GAS7: variants seen among roughly 807,000 people sequenced by gnomAD.
GAS7 encodes growth arrest-specific protein 7.
In GAS7, 28 loss-of-function variants were observed where a neutral mutation model predicts 71.1. That is an observed-to-expected ratio of 0.39 (90% confidence interval 0.29 to 0.54). GAS7 has a LOEUF of 0.54. GAS7 is among the 20% of genes least tolerant of loss of function. The pLI is 0.62. For missense variants in GAS7, 436 were observed against 627.8 expected, an observed-to-expected ratio of 0.69 and a Z score of 3.27; for synonymous variants, 258 against 245.8, an observed-to-expected ratio of 1.05 and a Z score of -0.46.
intron 1 of GAS7, among the ~76,000 whole-genome samples, chr17:10,023,835 A>AT (rs1345566736): frequency 3.3e-5 from 5 of 152,120 alleles, no homozygotes; most frequent in South Asian, 4.1e-4. Flanking sequence ...TTAAAAAAAA[A>AT]TTTTTTGGCT....
intron 1 of GAS7, among the ~76,000 whole-genome samples, chr17:10,136,914 AAGTTC>A (rs111456989): frequency 0.08 from 12,172 of 151,978 alleles, 1,111 homozygotes; most frequent in East Asian, 0.45. Flanking sequence ...CTGAGTCTAG[AAGTTC>A]AAGACCAGCA....
rs1171121390 is a variant in GAS7 at position 10,026,707 on chromosome 17, T to C, written c.184-6810A>G. ...CCCAGCAGGGCTGGAGACTGGCAAT[T>C]CACTCCCACGTCATGCCTTCCTGGT... On this transcript the variant is annotated intron_variant, in intron 1 of 13. Coordinates refer to ENST00000432992, the MANE Select transcript of GAS7 (RefSeq NM_201433.2). The surrounding 1 kb of genome is among the most constrained non-coding windows in gnomAD (Gnocchi z 4.5). Among the ~76,000 whole-genome samples, 1 of 152,126 alleles carries C rather than the reference T, an allele frequency of 6.6e-6. No homozygotes were observed. Among genetic ancestry groups the C allele is most frequent in the Non-Finnish European group, 1.5e-5 (1 of 68,010 alleles).
At chr17:10,045,023 A>T (rs900590747) in intron 1 of GAS7, among the ~76,000 whole-genome samples, 1 of 146,934 alleles carries the variant, frequency 6.8e-6, no homozygotes, top group African/African-American at 2.6e-5. Context: ...CCCGGGCGAC[A>T]GAGCGAGACT....
intron 8 of GAS7, 128 bp downstream of exon 8, chr17:9,939,998 T>A: frequency 1.4e-6 from 1 of 735,634 alleles, no homozygotes; most frequent in Non-Finnish European, 2.5e-6. Context: ...AGTGCCCACC[T>A]TGAGCCAGGC....
chr17:9,943,021 G>A (rs2068659423), intron 7 of GAS7, 100 bp downstream of exon 7: 4 of 697,678 alleles, frequency 5.7e-6, no homozygotes, highest in Non-Finnish European at 1.0e-5. Flanking sequence ...CCAATGCTGA[G>A]TGTGCAGTAC....
intron 8 of GAS7, among the ~76,000 whole-genome samples, 182 bp from the exon 9 acceptor site, chr17:9,934,426 G>A (rs1211999433): frequency 1.3e-5 from 2 of 152,084 alleles, no homozygotes; most frequent in African/African-American, 4.8e-5. Context: ...AGTCAGATGA[G>A]CCACCAAGGT....
intron 4 of GAS7, among the ~76,000 whole-genome samples, chr17:9,960,227 T>C (rs1289003959): frequency 6.6e-6 from 1 of 151,782 alleles, no homozygotes; most frequent in Non-Finnish European, 1.5e-5. Context: ...TGTCATTCTG[T>C]CACCCAGGTT....
intron 1 of GAS7, among the ~76,000 whole-genome samples, chr17:10,189,075 T>C (rs189006342): frequency 1.3e-5 from 2 of 152,352 alleles, no homozygotes; most frequent in East Asian, 3.9e-4. Context: ...TTTTTCCAAA[T>C]TTGTATTTGC....
chr17:10,174,205 G>A (rs1268091018), intron 1 of GAS7, among the ~76,000 whole-genome samples: 1 of 152,146 alleles, frequency 6.6e-6, no homozygotes, highest in African/African-American at 2.4e-5. Flanking sequence ...ATAGTCTGTG[G>A]CTCAATTCAC....
intron 1 of GAS7, among the ~76,000 whole-genome samples, chr17:10,045,039 T>G (rs1266542099): frequency 1.6e-5 from 1 of 61,710 alleles, no homozygotes; most frequent in Non-Finnish European, 2.9e-5. Context: ...AGACTCCATC[T>G]CAAAAAAAAA....
intron 1 of GAS7, among the ~76,000 whole-genome samples, chr17:10,159,167 A>C (rs1312368371): frequency 6.7e-6 from 1 of 149,698 alleles, no homozygotes; most frequent in African/African-American, 2.5e-5. Context: ...CTGTAAAACC[A>C]GCAATGGCAC....
chr17:10,159,548 C>CA (rs2074235108), intron 1 of GAS7, among the ~76,000 whole-genome samples: 2 of 151,974 alleles, frequency 1.3e-5, no homozygotes, highest in South Asian at 2.1e-4. Flanking sequence ...ATGCACCCCC[C>CA]CCAACCTCCA....
At chr17:10,148,866 T>C (rs1379546046) in intron 1 of GAS7, among the ~76,000 whole-genome samples, 52 of 138,664 alleles carry the variant, frequency 3.8e-4, no homozygotes, top group Non-Finnish European at 7.1e-4. Flanking sequence ...GCAGAGATGG[T>C]GTCACTGCAC....
intron 8 of GAS7, among the ~76,000 whole-genome samples, chr17:9,938,489 A>T (rs1196508348): frequency 6.6e-6 from 1 of 150,820 alleles, no homozygotes; most frequent in Non-Finnish European, 1.5e-5. Flanking sequence ...AAAAAAAAAA[A>T]AAAATAGACA....
intron 3 of GAS7, among the ~76,000 whole-genome samples, chr17:9,971,845 T>TA (rs1443103816): frequency 2.0e-5 from 3 of 152,162 alleles, no homozygotes; most frequent in Non-Finnish European, 4.4e-5. Flanking sequence ...CACCAACACC[T>TA]ACTCATTTGG....
At chr17:10,165,321 AGAAAAGT>A (rs1303136967) in intron 1 of GAS7, among the ~76,000 whole-genome samples, 1 of 151,644 alleles carries the variant, frequency 6.6e-6, no homozygotes, top group Non-Finnish European at 1.5e-5. Context: ...AGAAAACAAA[AGAAAAGT>A]TTAACTCTTC....
At position 10,036,530 on chromosome 17, in the gene GAS7, G is replaced by A. The variant is rs376852768; in HGVS notation, c.184-16633C>T. ...TCAGACTCAGCACCAAGACTCCGCCGGCTTCCTCTTCATGGCAGCCTCTCC... is the reference window on the plus strand; with the variant it reads ...TCAGACTCAGCACCAAGACTCCGCCAGCTTCCTCTTCATGGCAGCCTCTCC... On this transcript the variant is annotated intron_variant, in intron 1 of 13. Transcript: ENST00000432992. 1,656 of 1,600,504 alleles carry A rather than the reference G, an allele frequency of 1.0e-3. 19 individuals carry two copies. In the South Asian group the frequency reaches 0.012, roughly 12 times the overall value.
chr17:9,992,571 T>G (rs1266054068), intron 2 of GAS7, among the ~76,000 whole-genome samples: 1 of 151,308 alleles, frequency 6.6e-6, no homozygotes, highest in Non-Finnish European at 1.5e-5. Flanking sequence ...TCTTTTTTTT[T>G]TTATTGTAAT....
chr17:10,194,407 G>A (rs1322204889), intron 1 of GAS7, among the ~76,000 whole-genome samples: 1 of 152,204 alleles, frequency 6.6e-6, no homozygotes, highest in Non-Finnish European at 1.5e-5. Context: ...TCCAACCACT[G>A]ACCTGTCCAG....
Sources: allele counts gnomAD v4.1 joint callset (sites outside exome capture counted in the v4.1 genomes callset), GRCh38; gene constraint gnomAD v4.1.1; non-coding constraint Gnocchi (gnomAD v3.1); transcripts MANE v1.5; gene names NCBI Gene and HGNC (gene_info 2026-07-23, HGNC 2026-07-21).